The following CLRN3 variants were observed in gnomAD, a reference collection of about 807,000 sequenced individuals.
CLRN3 encodes the protein clarin-3.
CLRN3 carries 12 observed loss-of-function variants against 16.7 expected under a neutral mutation model. The ratio of observed to expected loss-of-function variants is 0.72; its 90% CI spans 0.46 to 1.16. The LOEUF (loss-of-function observed/expected upper bound fraction) is 1.16. Among genes scored for constraint, CLRN3 ranks in the 50% most tolerant of loss-of-function variants. CLRN3 has a pLI of 0.00. For synonymous variants in CLRN3, 118 were observed against 113.0 expected (o/e 1.04, Z -0.28); for missense variants, 296 against 274.2 (o/e 1.08, Z -0.56).
Position 127,878,413 on chromosome 10 carries a change from G to A in CLRN3, c.417C>T (p.Phe139=), listed in dbSNP as rs1591257995. ...CAAACAGTATCATGGTCACAAAAAC[G>A]AAGGATGCTGAAAGGAAGATGGAGT... ...VYTWNGLGAS[F]VFVTMILFVA... is the part of the protein sequence containing the mutation. Residue 139 remains phenylalanine, a synonymous_variant, in exon 3 of 3, where the codon TTC becomes TTT. Transcript: ENST00000368671. 14 of 1,613,516 alleles carry A rather than the reference G, an allele frequency of 8.7e-6. No individual in the cohort carries two copies. The highest frequency in any genetic ancestry group is 1.1e-5 in the Non-Finnish European group (13 of 1,179,452).
At chr10:127,886,888 A>G (rs71474227) in intron 1 of CLRN3, among the ~76,000 whole-genome samples, 11,549 of 152,256 alleles carry the variant, frequency 0.076, 504 homozygotes, top group East Asian at 0.12. Flanking sequence ...CTGGCTATGC[A>G]TCCCAGGGAA....
intron 1 of CLRN3, among the ~76,000 whole-genome samples, chr10:127,889,823 C>T (rs554686877): frequency 7.9e-5 from 12 of 152,272 alleles, no homozygotes; most frequent in African/African-American, 2.6e-4. Context: ...ATTGTGCTTC[C>T]GGGGCCCTGA....
In CLRN3 at chr10:127,878,362, G is replaced by A. The variant is rs1377220555; in HGVS notation, c.468C>T (p.Leu156=). The change falls in exon 3 of 3, where the codon CTC becomes CTT. Residue 156 remains leucine, a synonymous_variant. Coordinates refer to ENST00000368671, the MANE Select transcript of CLRN3 (RefSeq NM_152311.5). ...LFVANTQSNQ[L]SEELFQMLYP... ...AAAGCATTTGGAACAACTCTTCGGA[G>A]AGTTGGTTGGACTGCGTGTTCGCCA... 1 of 1,614,176 alleles carries A rather than the reference G, an allele frequency of 6.2e-7. No homozygotes were observed. Among genetic ancestry groups the A allele is most frequent in the South Asian group, 1.1e-5 (1 of 91,056 alleles).
intron 1 of CLRN3, among the ~76,000 whole-genome samples, chr10:127,884,318 G>A (rs187771300): frequency 1.3e-5 from 2 of 152,322 alleles, no homozygotes; most frequent in Admixed American, 6.5e-5. Context: ...TGTGCACTGT[G>A]AGAATCCCAC....
intron 1 of CLRN3, among the ~76,000 whole-genome samples, chr10:127,884,824 C>T (rs771850512): frequency 1.2e-4 from 18 of 152,194 alleles, no homozygotes; most frequent in African/African-American, 3.9e-4. Flanking sequence ...GTAAGCCCAG[C>T]CCAGCCACGG....
chr10:127,883,274 G>A (rs1358925326), intron 2 of CLRN3, among the ~76,000 whole-genome samples: 17 of 110,836 alleles, frequency 1.5e-4, no homozygotes, highest in African/African-American at 4.1e-4. Context: ...GTGTTCATGT[G>A]TGTGTGTGTG....
At position 127,892,808 on chromosome 10, in the gene CLRN3, A is replaced by G. The variant is rs866390748; in HGVS notation, c.-24T>C. On this transcript the variant is annotated 5_prime_UTR_variant, in exon 1 of 3. Transcript: ENST00000368671. ...ATTTTCACAGGAAAATAAGTTCTCTAGGACAAAAAAAGGAATATCTTCTTA... is the reference window on the plus strand; with the variant it reads ...ATTTTCACAGGAAAATAAGTTCTCTGGGACAAAAAAAGGAATATCTTCTTA... 1.4e-6 allele frequency: 2 copies of G among 1,424,978 alleles called. No homozygotes were observed. Among genetic ancestry groups the G allele is most frequent in the Non-Finnish European group, 9.8e-7 (1 of 1,015,860 alleles). 88.3% of individuals were successfully genotyped at this position (1,424,978 alleles called of 1,614,324 possible). A position where few individuals can be genotyped will look rare whatever the true frequency, so the allele number is the denominator to read the frequency against.
chr10:127,883,986 C>G, intron 1 of CLRN3, 111 bp from the exon 2 acceptor site: 1 of 973,218 alleles, frequency 1.0e-6, no homozygotes, highest in South Asian at 1.4e-5. Context: ...TGTTGGATGT[C>G]AGTTAGAGAT....
chr10:127,889,312 A>T (rs1179533672), intron 1 of CLRN3, among the ~76,000 whole-genome samples: 6 of 151,350 alleles, frequency 4.0e-5, no homozygotes, highest in Non-Finnish European at 7.4e-5. Flanking sequence ...ACAAAGCAAG[A>T]CGCTGTCTCA....
intron 1 of CLRN3, among the ~76,000 whole-genome samples, chr10:127,884,930 G>A (rs1201928264): frequency 6.6e-6 from 1 of 152,188 alleles, no homozygotes; most frequent in Non-Finnish European, 1.5e-5. Flanking sequence ...TGGGAGAAAG[G>A]GATTAGGGAG....
rs35146970 is a variant in CLRN3 at position 127,878,315 on chromosome 10, C to T, written c.515G>A (p.Gly172Glu). 1.7e-3 allele frequency: 2,738 copies of T among 1,614,092 alleles called. 3 individuals carry two copies. The highest frequency in any genetic ancestry group is 2.2e-3 in the Non-Finnish European group (2,629 of 1,180,028). The change falls in exon 3 of 3, where the codon GGA (glycine) becomes GAA (glutamate). Residue 172 changes from glycine to glutamate, a missense_variant. Physicochemically the swap from Gly to Glu is moderately conservative, Grantham distance 98. Coordinates refer to ENST00000368671, the MANE Select transcript of CLRN3 (RefSeq NM_152311.5). The part of the protein sequence containing the change: ...QMLYPATTSK[G>E]TTHSYGYSFW... Reference sequence around the variant, plus strand: ...CGAGTATCCGTAACTGTGGGTCGTTCCTTTACTGGTGGTTGCCGGGTAAAG... The same window carrying T: ...CGAGTATCCGTAACTGTGGGTCGTTTCTTTACTGGTGGTTGCCGGGTAAAG...
chr10:127,888,056 T>G (rs1845217716), intron 1 of CLRN3, among the ~76,000 whole-genome samples: 1 of 152,196 alleles, frequency 6.6e-6, no homozygotes. Context: ...CAGGCCCCAC[T>G]TGCCATCTGC....
In CLRN3 at chr10:127,878,311, C is replaced by A. The variant is rs550245323; in HGVS notation, c.519G>T (p.Thr173=). ...AGAACGAGTATCCGTAACTGTGGGTCGTTCCTTTACTGGTGGTTGCCGGGT... is the reference window on the plus strand; with the variant it reads ...AGAACGAGTATCCGTAACTGTGGGTAGTTCCTTTACTGGTGGTTGCCGGGT... ...MLYPATTSKG[T]THSYGYSFWL... Residue 173 remains threonine, a synonymous_variant, in exon 3 of 3, where the codon ACG becomes ACT. Transcript: ENST00000368671. 1 of 1,614,118 alleles carries A rather than the reference C, an allele frequency of 6.2e-7. No homozygotes were observed. Among genetic ancestry groups the A allele is most frequent in the Non-Finnish European group, 8.5e-7 (1 of 1,180,026 alleles).
In CLRN3 at chr10:127,883,709, C is replaced by A; in HGVS notation, c.396G>T (p.Trp132Cys). ...TFLGPTGVYT[W>C]NGLGASFVFV... ...AGGGCCACTCACCACCGAGCCCGTT[C>A]CAGGTGTACACCCCCGTCGGCCCCA... Residue 132 changes from tryptophan (W) to cysteine (C), a missense_variant, in exon 2 of 3, where the codon TGG (tryptophan) becomes TGT (cysteine). Physicochemically the swap from Trp to Cys is radical, Grantham distance 215. Coordinates refer to ENST00000368671, the MANE Select transcript of CLRN3 (RefSeq NM_152311.5). 1 of 1,613,264 alleles carries A rather than the reference C, an allele frequency of 6.2e-7. No individual in the cohort carries two copies. Among genetic ancestry groups the A allele is most frequent in the South Asian group, 1.1e-5 (1 of 91,032 alleles).
rs1845270602 is a variant in CLRN3 at position 127,892,624 on chromosome 10, C to T, written c.161G>A (p.Gly54Glu). 6.2e-7 allele frequency: 1 copy of T among 1,613,518 alleles called. No individual in the cohort carries two copies. The change falls in exon 1 of 3, where the codon GGA becomes GAA. Residue 54 changes from glycine (G) to glutamate (E), a missense_variant. Physicochemically the swap from Gly to Glu is moderately conservative, Grantham distance 98 (BLOSUM62 -2). Coordinates refer to ENST00000368671, the MANE Select transcript of CLRN3 (RefSeq NM_152311.5). ...TTCACTACTCTCCCCACGAAAAAGTCCGTAAGTGATGAAAATGCTCCCATT... is the reference window on the plus strand; with the variant it reads ...TTCACTACTCTCCCCACGAAAAAGTTCGTAAGTGATGAAAATGCTCCCATT... ...ASNGSIFITY[G>E]LFRGESSEEL...
chr10:127,880,810 C>G (rs1845119360), intron 2 of CLRN3, among the ~76,000 whole-genome samples: 1 of 152,262 alleles, frequency 6.6e-6, no homozygotes, highest in East Asian at 1.9e-4. Flanking sequence ...TAGTTCAAAA[C>G]CAGCCGCTAG....
chr10:127,892,476 T>C (rs1180373718), intron 1 of CLRN3, 80 bp downstream of exon 1: 1 of 819,156 alleles, frequency 1.2e-6, no homozygotes, highest in Non-Finnish European at 2.1e-6. Flanking sequence ...TATTTTTGAA[T>C]GGTTATTTGG....
chr10:127,889,664 C>T (rs766349601), intron 1 of CLRN3, among the ~76,000 whole-genome samples: 13 of 152,118 alleles, frequency 8.5e-5, no homozygotes, highest in Non-Finnish European at 1.6e-4. Context: ...CTATCATAAA[C>T]ACTTTTCCTG....
chr10:127,888,256 G>A (rs1332207799), intron 1 of CLRN3, among the ~76,000 whole-genome samples: 1 of 152,182 alleles, frequency 6.6e-6, no homozygotes, highest in African/African-American at 2.4e-5. Context: ...TGGCCTGGTA[G>A]CTCTCCCAGG....
Sources: allele counts gnomAD v4.1 joint callset (sites outside exome capture counted in the v4.1 genomes callset), GRCh38; gene constraint gnomAD v4.1.1; transcripts MANE v1.5; gene names NCBI Gene and HGNC (gene_info 2026-07-23, HGNC 2026-07-21).